The following MYCBP2 variants were observed in gnomAD, a reference collection of about 807,000 sequenced individuals.
The protein encoded by MYCBP2 is E3 ubiquitin-protein ligase MYCBP2.
MYCBP2 carries 120 observed loss-of-function variants against 525.3 expected under a neutral mutation model. The observed-to-expected ratio is 0.23, with a 90% CI of 0.20 to 0.27. The LOEUF is 0.27. MYCBP2 is among the 10% of genes least tolerant of loss of function. The pLI is 1.00. For missense variants in MYCBP2, 4,149 were observed against 5,657.1 expected (o/e 0.73, Z 8.55); for synonymous variants, 1,894 against 1,955.8 (o/e 0.97, Z 0.83).
At chr13:77,228,045 AAT>A (rs1038247131) in intron 18 of MYCBP2, among the ~76,000 whole-genome samples, 9 of 151,936 alleles carry the variant, frequency 5.9e-5, no homozygotes, top group Non-Finnish European at 1.2e-4. Flanking sequence ...GCAGAATTAA[AAT>A]ATATATTTTA....
At chr13:77,129,135 T>C (rs1277175063) in intron 52 of MYCBP2, 3 of 397,508 alleles carry the variant, frequency 7.5e-6, no homozygotes, top group East Asian at 7.1e-5. Context: ...AAAATATTAT[T>C]GTTCCTTACA....
At chr13:77,307,274 C>A (rs547951282) in intron 1 of MYCBP2, among the ~76,000 whole-genome samples, 5 of 152,252 alleles carry the variant, frequency 3.3e-5, no homozygotes, top group African/African-American at 1.2e-4. Flanking sequence ...TTTTGCTCAA[C>A]CATACATCCC....
At chr13:77,048,593 C>T (rs2154050770) in intron 82 of MYCBP2, among the ~76,000 whole-genome samples, 1 of 152,214 alleles carries the variant, frequency 6.6e-6, no homozygotes, top group Admixed American at 6.5e-5. Flanking sequence ...GAGTATACCT[C>T]AATCTCAGTG....
At chr13:77,205,810 C>A (rs1005977375) in intron 24 of MYCBP2, among the ~76,000 whole-genome samples, 3 of 152,116 alleles carry the variant, frequency 2.0e-5, no homozygotes, top group Non-Finnish European at 4.4e-5. Flanking sequence ...ATACGACAAC[C>A]TTTTACACAA....
intron 29 of MYCBP2, among the ~76,000 whole-genome samples, chr13:77,189,408 C>T (rs775207948): frequency 3.3e-5 from 5 of 152,018 alleles, no homozygotes; most frequent in Non-Finnish European, 7.4e-5. Context: ...CAATGCAACA[C>T]GTTATGTTTG....
At chr13:77,100,912 C>A (rs920957620) in intron 55 of MYCBP2, among the ~76,000 whole-genome samples, 2 of 152,004 alleles carry the variant, frequency 1.3e-5, no homozygotes, top group East Asian at 3.9e-4. Flanking sequence ...CAGATGTGAT[C>A]TATGAATAAG....
intron 77 of MYCBP2, among the ~76,000 whole-genome samples, chr13:77,059,102 T>C (rs917339337): frequency 1.5e-4 from 23 of 151,918 alleles, no homozygotes; most frequent in Admixed American, 2.6e-4. Context: ...TCTCTGAGCA[T>C]ATCCACATTC....
chr13:77,122,430 G>C (rs570482748), intron 54 of MYCBP2, among the ~76,000 whole-genome samples: 1 of 151,828 alleles, frequency 6.6e-6, no homozygotes, highest in Non-Finnish European at 1.5e-5. Context: ...GGCCGGTCGC[G>C]GTGGCTTACG....
intron 47 of MYCBP2, among the ~76,000 whole-genome samples, chr13:77,149,426 G>A (rs9593210): frequency 0.029 from 4,355 of 151,450 alleles, 219 homozygotes; most frequent in African/African-American, 0.098. Flanking sequence ...TGCTTCTGAT[G>A]TAGAGAAGAG....
chr13:77,174,931 A>ATATT, intron 36 of MYCBP2, among the ~76,000 whole-genome samples: 1 of 3,412 alleles, frequency 2.9e-4, no homozygotes, highest in South Asian at 5.6e-3. Context: ...ATATATATAT[A>ATATT]ATATATATAT....
intron 1 of MYCBP2, among the ~76,000 whole-genome samples, chr13:77,305,833 A>T (rs993439048): frequency 1.5e-4 from 23 of 152,162 alleles, no homozygotes; most frequent in Non-Finnish European, 2.9e-5. Context: ...TTTAAAACTC[A>T]ACAACCACTA....
chr13:77,226,866 G>A (rs1201689471), intron 18 of MYCBP2, among the ~76,000 whole-genome samples: 23 of 152,072 alleles, frequency 1.5e-4, no homozygotes, highest in Admixed American at 1.4e-3. Flanking sequence ...TACTGGAAAC[G>A]TCTTAATCAT....
At chr13:77,122,908 G>A (rs1420567328) in intron 54 of MYCBP2, among the ~76,000 whole-genome samples, 3 of 152,138 alleles carry the variant, frequency 2.0e-5, no homozygotes, top group Non-Finnish European at 4.4e-5. Flanking sequence ...TATTTCAGCA[G>A]TAGAATGTTT....
intron 26 of MYCBP2, among the ~76,000 whole-genome samples, chr13:77,197,380 C>G (rs912273868): frequency 2.6e-5 from 4 of 152,008 alleles, no homozygotes; most frequent in African/African-American, 9.7e-5. Context: ...AGAAAAATGT[C>G]TAGATTTCCG....
At chr13:77,072,593 A>T (rs1208390336) in intron 68 of MYCBP2, among the ~76,000 whole-genome samples, 2 of 152,192 alleles carry the variant, frequency 1.3e-5, no homozygotes, top group Admixed American at 1.3e-4. Flanking sequence ...AAAATCAATG[A>T]AACAAAAAGC....
chr13:77,269,700 C>A (rs1217443316), intron 7 of MYCBP2, among the ~76,000 whole-genome samples: 3 of 151,930 alleles, frequency 2.0e-5, no homozygotes, highest in African/African-American at 7.3e-5. Flanking sequence ...CACAAGAACT[C>A]TAAAGAAGGT....
intron 1 of MYCBP2, among the ~76,000 whole-genome samples, chr13:77,306,805 C>T (rs2079483138): frequency 6.6e-6 from 1 of 152,110 alleles, no homozygotes; most frequent in Non-Finnish European, 1.5e-5. Context: ...CACAGAGATA[C>T]AAGGCACTCT....
chr13:77,294,131 C>CACATATATATATATATATATATACACAT (rs1555465826), intron 2 of MYCBP2, among the ~76,000 whole-genome samples: 11 of 65,692 alleles, frequency 1.7e-4, no homozygotes, highest in Non-Finnish European at 2.7e-4. Context: ...TATATATATA[C>CACATATATATATATATATATATACACAT]ATATATATAT....
intron 1 of MYCBP2, among the ~76,000 whole-genome samples, chr13:77,296,984 T>A (rs969741666): frequency 1.3e-5 from 2 of 152,170 alleles, no homozygotes; most frequent in African/African-American, 2.4e-5. Flanking sequence ...TTATCCATAG[T>A]GGGATGTTTA....
Sources: gnomAD v4.1 joint callset for allele counts (sites outside exome capture counted in the v4.1 genomes callset) on GRCh38, gnomAD v4.1.1 for gene constraint, MANE v1.5 for transcripts, NCBI Gene and HGNC (gene_info 2026-07-23, HGNC 2026-07-21) for gene names.